ADARB2: variants seen among roughly 807,000 people sequenced by gnomAD.
ADARB2 encodes adenosine deaminase RNA specific B2 (inactive), also known as inactive double-stranded RNA-specific editase B2.
A neutral mutation model predicts 62.2 loss-of-function variants in ADARB2; 25 were observed. The ratio of observed to expected loss-of-function variants is 0.40; its 90% confidence interval spans 0.29 to 0.56. ADARB2 has a LOEUF of 0.56. ADARB2 is among the 20% of genes least tolerant of loss of function. The pLI is 0.43. For synonymous variants in ADARB2, 572 were observed against 500.8 expected, an observed-to-expected ratio of 1.14 and a Z score of -1.90; for missense variants, 1,071 against 1,077.4, an observed-to-expected ratio of 0.99 and a Z score of 0.08.
rs562970476 is a variant in ADARB2, at chr10:1,592,054, G to A, written c.100+144997C>T. Among the ~76,000 whole-genome samples the A allele has an allele frequency of 7.2e-5, 11 of 152,304 alleles. No homozygotes were observed. In the South Asian group the frequency reaches 1.0e-3, roughly 14 times the overall value. ...GCTTTTTACAACCCTGGTTTTCCCC[G>A]GATTCTCCTGTCAGGGTGGGATCCC... On this transcript the variant is annotated intron_variant, in intron 1 of 9. Coordinates refer to ENST00000381312, the MANE Select transcript of ADARB2 (RefSeq NM_018702.4).
chr10:1,188,512 G>C (rs1836794661), intron 8 of ADARB2, among the ~76,000 whole-genome samples: 1 of 152,154 alleles, frequency 6.6e-6, no homozygotes, highest in African/African-American at 2.4e-5. Flanking sequence ...TGAGCTTCTA[G>C]GGAAGGGTCT....
chr10:1,668,941 G>A (rs1376706993), intron 1 of ADARB2, among the ~76,000 whole-genome samples: 1 of 152,238 alleles, frequency 6.6e-6, no homozygotes, highest in Non-Finnish European at 1.5e-5. Context: ...GGTGGCACCA[G>A]CCCTGTAGGA....
chr10:1,288,452 G>T (rs1201457973), intron 3 of ADARB2, among the ~76,000 whole-genome samples: 1 of 152,190 alleles, frequency 6.6e-6, no homozygotes, highest in Non-Finnish European at 1.5e-5. Flanking sequence ...AGGCAGTTAC[G>T]ATTATTGTCC....
At chr10:1,508,624 C>G (rs756275353) in intron 1 of ADARB2, among the ~76,000 whole-genome samples, 2 of 152,254 alleles carry the variant, frequency 1.3e-5, no homozygotes, top group Middle Eastern at 3.4e-3. Context: ...ACAGAAAGTA[C>G]AAAAATTAGC....
chr10:1,414,615 C>A (rs997675107), intron 1 of ADARB2, among the ~76,000 whole-genome samples: 2 of 152,268 alleles, frequency 1.3e-5, no homozygotes, highest in African/African-American at 4.8e-5. Context: ...TCAACCTCCA[C>A]ATTCTCATCA....
chr10:1,201,910 G>T (rs1836992445), intron 7 of ADARB2, among the ~76,000 whole-genome samples: 1 of 151,302 alleles, frequency 6.6e-6, no homozygotes, highest in Non-Finnish European at 1.5e-5. Flanking sequence ...AGGACACACA[G>T]CGCCTGTCAC....
chr10:1,206,732 G>A (rs188004534), intron 7 of ADARB2, among the ~76,000 whole-genome samples: 3 of 152,272 alleles, frequency 2.0e-5, no homozygotes, highest in Non-Finnish European at 4.4e-5. Flanking sequence ...GGTTGGTGGC[G>A]TCCACACTGT....
chr10:1,692,854 CTA>C (rs1462911402), intron 1 of ADARB2, among the ~76,000 whole-genome samples: 3 of 152,150 alleles, frequency 2.0e-5, no homozygotes, highest in Admixed American at 6.5e-5. Context: ...TCTCAAGGTT[CTA>C]TGTTAGACTA....
chr10:1,662,891 C>T (rs534790288), intron 1 of ADARB2, among the ~76,000 whole-genome samples: 36 of 152,322 alleles, frequency 2.4e-4, no homozygotes, highest in Non-Finnish European at 4.6e-4. Flanking sequence ...CTGGTTTCTA[C>T]GGACCAGACA....
intron 1 of ADARB2, among the ~76,000 whole-genome samples, chr10:1,505,827 G>T (rs1490923869): frequency 6.6e-6 from 1 of 152,198 alleles, no homozygotes; most frequent in Non-Finnish European, 1.5e-5. Context: ...TCTTGAATTA[G>T]GAGGACTCCA....
At position 1,328,821 on chromosome 10, in the gene ADARB2, C is replaced by T. The variant is rs573814608; in HGVS notation, c.1077+34207G>A. On this transcript the variant is annotated intron_variant, in intron 3 of 9. Transcript: ENST00000381312. Reference sequence around the variant, plus strand: ...AGGCTGGGCAACATAGTGAGACACCCGACTCTACAAAAATAGAAAAAATAA... The same window carrying T: ...AGGCTGGGCAACATAGTGAGACACCTGACTCTACAAAAATAGAAAAAATAA... Among the ~76,000 whole-genome samples the T allele has an allele frequency of 1.8e-4, 28 of 151,722 alleles. No homozygotes were observed. In the East Asian group the frequency reaches 1.9e-3, roughly 10 times the overall value.
intron 1 of ADARB2, among the ~76,000 whole-genome samples, chr10:1,685,881 G>A (rs1834591138): frequency 6.6e-6 from 1 of 152,180 alleles, no homozygotes; most frequent in Admixed American, 6.5e-5. Context: ...AGTGGGGGAG[G>A]CTGAGTATGT....
At chr10:1,551,190 C>T (rs547947938) in intron 1 of ADARB2, among the ~76,000 whole-genome samples, 20 of 152,298 alleles carry the variant, frequency 1.3e-4, no homozygotes, top group African/African-American at 3.4e-4. Flanking sequence ...AGAGAGAAGA[C>T]GCCATCTGCA....
At chr10:1,348,118 T>G (rs1306699512) in intron 3 of ADARB2, among the ~76,000 whole-genome samples, 1 of 152,016 alleles carries the variant, frequency 6.6e-6, no homozygotes, top group Non-Finnish European at 1.5e-5. Context: ...GCTATCTCGG[T>G]CCTGTGGTGC....
intron 3 of ADARB2, among the ~76,000 whole-genome samples, chr10:1,340,126 C>T (rs1009474302): frequency 4.7e-5 from 7 of 149,712 alleles, no homozygotes; most frequent in Non-Finnish European, 9.0e-5. Flanking sequence ...CAGAGAACCA[C>T]GCGCCCCACA....
intron 7 of ADARB2, among the ~76,000 whole-genome samples, chr10:1,209,241 A>G (rs1170516285): frequency 6.6e-6 from 1 of 151,062 alleles, no homozygotes; most frequent in Admixed American, 6.6e-5. Flanking sequence ...AGGTGTGGGG[A>G]TGGCTGCACT....
At chr10:1,638,468 C>G (rs980319345) in intron 1 of ADARB2, among the ~76,000 whole-genome samples, 1 of 151,904 alleles carries the variant, frequency 6.6e-6, no homozygotes, top group Non-Finnish European at 1.5e-5. Flanking sequence ...TCAATTGAGA[C>G]CTTATAAAGC....
chr10:1,303,254 G>A (rs1490325357), intron 3 of ADARB2, among the ~76,000 whole-genome samples: 1 of 152,086 alleles, frequency 6.6e-6, no homozygotes, highest in Non-Finnish European at 1.5e-5. Flanking sequence ...GAGCCGATGC[G>A]ATCAACTGGA....
intron 1 of ADARB2, among the ~76,000 whole-genome samples, chr10:1,653,786 A>G (rs996950064): frequency 6.6e-5 from 10 of 152,244 alleles, no homozygotes; most frequent in Non-Finnish European, 2.9e-5. Context: ...TCAATAAATG[A>G]GTAATCAAAT....
Sources: allele counts gnomAD v4.1 joint callset (sites outside exome capture counted in the v4.1 genomes callset), GRCh38; gene constraint gnomAD v4.1.1; transcripts MANE v1.5; gene names NCBI Gene and HGNC (gene_info 2026-07-23, HGNC 2026-07-21).